AJAP1: variants seen among roughly 807,000 people sequenced by gnomAD.
AJAP1 encodes the protein adherens junctions associated protein 1.
In AJAP1, 5 loss-of-function variants were observed where a neutral mutation model predicts 35.0. The observed-to-expected ratio is 0.14, with a 90% CI of 0.07 to 0.30. The LOEUF is 0.30. Among genes scored for constraint, AJAP1 ranks in the 10% least tolerant of loss-of-function variants. The pLI, the probability that AJAP1 is intolerant of heterozygous loss-of-function variation, is 1.00. For synonymous variants in AJAP1, 284 were observed against 249.3 expected, an observed-to-expected ratio of 1.14 and a Z score of -1.31; for missense variants, 586 against 571.0, an observed-to-expected ratio of 1.03 and a Z score of -0.27.
rs1449703857 is a variant in AJAP1, at chr1:4,712,171, G to A, written c.301G>A (p.Ala101Thr). 6.4e-7 allele frequency: 1 copy of A among 1,564,804 alleles called. No homozygotes were observed. ...GATGCAGATGCCTCGAGCCAGACGGGCCCACAGGCCCCGGGACCAGGCGGC... is the reference window on the plus strand; with the variant it reads ...GATGCAGATGCCTCGAGCCAGACGGACCCACAGGCCCCGGGACCAGGCGGC... ...GQMQMPRARRAHRPRDQAAAL... is the reference protein window; with the variant it reads ...GQMQMPRARRTHRPRDQAAAL... Residue 101 changes from alanine to threonine, a missense_variant, in exon 2 of 6, where the codon GCC becomes ACC. Physicochemically the swap from Ala to Thr is moderately conservative, Grantham distance 58. Transcript: ENST00000378191.
At chr1:4,729,265 G>C (rs532348499) in intron 2 of AJAP1, among the ~76,000 whole-genome samples, 3 of 152,230 alleles carry the variant, frequency 2.0e-5, no homozygotes, top group Admixed American at 2.0e-4. Flanking sequence ...GGAGTGAGGG[G>C]AGCACAGGGC....
chr1:4,700,555 G>A (rs1320782613), intron 1 of AJAP1, among the ~76,000 whole-genome samples: 1 of 152,192 alleles, frequency 6.6e-6, no homozygotes, highest in African/African-American at 2.4e-5. Flanking sequence ...AGGGGATGAG[G>A]TTCCCAGCCA....
chr1:4,748,005 CAA>C (rs1169991165), intron 2 of AJAP1, among the ~76,000 whole-genome samples: 1 of 138,976 alleles, frequency 7.2e-6, no homozygotes, highest in Non-Finnish European at 1.6e-5. Flanking sequence ...AAAAAAAAAA[CAA>C]AGCAAAAAAA....
Position 4,655,491 on chromosome 1 carries a change from C to G in AJAP1, c.29+37C>G, listed in dbSNP as rs200395885. On this transcript the variant is annotated intron_variant, in intron 1 of 5. Coordinates refer to ENST00000378191, the MANE Select transcript of AJAP1 (RefSeq NM_018836.4). The surrounding 1 kb of genome is among the most constrained non-coding windows in gnomAD (Gnocchi z 6.9). ...GGCCGGCGCCGGGTGCGTGTGGGCG[C>G]GTGGGTGCCAGGCTGGGCGGAAGCG... is the stretch of plus-strand genomic sequence containing the variant. The G allele has an allele frequency of 3.2e-6, 5 of 1,558,908 alleles. No homozygotes were observed. The highest frequency in any genetic ancestry group is 4.3e-6 in the Non-Finnish European group (5 of 1,151,036).
chr1:4,736,620 G>T (rs914669185), intron 2 of AJAP1, among the ~76,000 whole-genome samples: 3 of 152,208 alleles, frequency 2.0e-5, no homozygotes. Context: ...AGCTCCTTCA[G>T]GCCCGAGCCT....
chr1:4,669,426 G>A (rs900311151), intron 1 of AJAP1, among the ~76,000 whole-genome samples: 2 of 152,194 alleles, frequency 1.3e-5, no homozygotes, highest in African/African-American at 2.4e-5. Context: ...CATGGCAGAA[G>A]GCAAAGGAGA....
chr1:4,744,513 C>G (rs752705642), intron 2 of AJAP1, among the ~76,000 whole-genome samples: 2 of 152,160 alleles, frequency 1.3e-5, no homozygotes, highest in East Asian at 1.9e-4. Flanking sequence ...AGATGCAGAC[C>G]TGCTCACGTG....
Position 4,672,880 on chromosome 1 carries a change from G to A in AJAP1, c.29+17426G>A, listed in dbSNP as rs555188770. On this transcript the variant is annotated intron_variant, in intron 1 of 5. Coordinates refer to ENST00000378191, the MANE Select transcript of AJAP1 (RefSeq NM_018836.4). ...TCCCAGTGGGTCCAGTGTCATCACC[G>A]GAGTCCTTGGGTGCAGAGGTGGAAG... Among the ~76,000 whole-genome samples, 12 of 152,298 alleles carry A rather than the reference G, an allele frequency of 7.9e-5. No homozygotes were observed. In the South Asian group the frequency reaches 2.3e-3, roughly 29 times the overall value.
intron 1 of AJAP1, among the ~76,000 whole-genome samples, chr1:4,699,107 AC>A (rs1639929753): frequency 6.6e-6 from 1 of 151,950 alleles, no homozygotes; most frequent in Non-Finnish European, 1.5e-5. Context: ...TCATTGTCAC[AC>A]CCACCCTGGG....
chr1:4,686,142 C>T (rs898021606), intron 1 of AJAP1, among the ~76,000 whole-genome samples: 9 of 152,224 alleles, frequency 5.9e-5, no homozygotes, highest in Admixed American at 1.3e-4. Context: ...GACGTGGCCT[C>T]ATCCTCACGT....
At chr1:4,686,970 C>T (rs189155695) in intron 1 of AJAP1, among the ~76,000 whole-genome samples, 9 of 152,306 alleles carry the variant, frequency 5.9e-5, no homozygotes, top group African/African-American at 2.2e-4. Flanking sequence ...GTTGGGCTGC[C>T]CACTTCCTGC....
At chr1:4,780,590 T>C (rs975252469) in intron 5 of AJAP1, among the ~76,000 whole-genome samples, 5 of 150,726 alleles carry the variant, frequency 3.3e-5, no homozygotes, top group Non-Finnish European at 5.9e-5. Flanking sequence ...CAAAGGCACG[T>C]CCCCTTTCTT....
At chr1:4,728,409 G>A (rs1031826951) in intron 2 of AJAP1, among the ~76,000 whole-genome samples, 1 of 152,166 alleles carries the variant, frequency 6.6e-6, no homozygotes, top group Non-Finnish European at 1.5e-5. Flanking sequence ...CATGAGGAAT[G>A]CACTCACACT....
intron 1 of AJAP1, among the ~76,000 whole-genome samples, chr1:4,700,225 C>A (rs1639955252): frequency 6.6e-6 from 1 of 152,160 alleles, no homozygotes; most frequent in African/African-American, 2.4e-5. Context: ...GCCCACCACC[C>A]ACATGCTGTA....
intron 1 of AJAP1, among the ~76,000 whole-genome samples, chr1:4,706,680 G>C (rs536995051): frequency 6.6e-6 from 1 of 152,196 alleles, no homozygotes; most frequent in Non-Finnish European, 1.5e-5. Context: ...GGAGGCTCAC[G>C]CCGCACACTC....
In AJAP1 at chr1:4,790,514, C is replaced by T. The variant is rs1252492983; in HGVS notation, c.*8029C>T. On this transcript the variant is annotated 3_prime_UTR_variant, in exon 6 of 6. Coordinates refer to ENST00000378191, the MANE Select transcript of AJAP1 (RefSeq NM_018836.4). ...AGCGGGGCAACTGGTTTTGAAAAGC[C>T]CGCTGGCGTGCCAGAGGGGGTGTTT... 1 of 152,192 alleles carries T rather than the reference C, an allele frequency of 6.6e-6. No individual in the cohort carries two copies. The highest frequency in any genetic ancestry group is 1.5e-5 in the Non-Finnish European group (1 of 68,048). 9.4% of individuals were successfully genotyped at this position (152,192 alleles called of 1,614,324 possible).
chr1:4,714,244 G>A (rs111951475), intron 2 of AJAP1, among the ~76,000 whole-genome samples: 9 of 152,278 alleles, frequency 5.9e-5, no homozygotes, highest in African/African-American at 7.2e-5. Flanking sequence ...AAGAGGCTCC[G>A]GAGGAAGAGA....
chr1:4,789,409 G>A lies in AJAP1; in HGVS notation c.*6924G>A, dbSNP rs1642217872. 6.6e-6 allele frequency: 1 copy of A among 152,232 alleles called. No individual in the cohort carries two copies. Among genetic ancestry groups the A allele is most frequent in the Admixed American group, 6.5e-5 (1 of 15,282 alleles). The allele number at this position is 152,232 out of a possible 1,614,324, so 9.4% of individuals were successfully genotyped here. A position where few individuals can be genotyped will look rare whatever the true frequency, so the allele number is the denominator to read the frequency against. On this transcript the variant is annotated 3_prime_UTR_variant, in exon 6 of 6. Coordinates refer to ENST00000378191, the MANE Select transcript of AJAP1 (RefSeq NM_018836.4). This position sits in a 1 kb window ranked among gnomAD's most constrained non-coding sequence, Gnocchi z 4.4. ...GTAACATGCGGCAGGAAAGGATGCA[G>A]GGAGCATTGGACTGTAGGAAATTCT...
chr1:4,731,626 G>A (rs2100299477), intron 2 of AJAP1, among the ~76,000 whole-genome samples: 1 of 152,296 alleles, frequency 6.6e-6, no homozygotes, highest in Non-Finnish European at 1.5e-5. Flanking sequence ...TTTAGGGCCT[G>A]TGACCCAAAA....
Sources: allele counts gnomAD v4.1 joint callset (sites outside exome capture counted in the v4.1 genomes callset), GRCh38; gene constraint gnomAD v4.1.1; non-coding constraint Gnocchi (gnomAD v3.1); transcripts MANE v1.5; gene names NCBI Gene and HGNC (gene_info 2026-07-23, HGNC 2026-07-21).